Variants in BCAS3 observed in about 807,000 individuals in gnomAD.
The protein encoded by BCAS3 is BCAS3 microtubule associated cell migration factor, also known as BCAS4/BCAS3 fusion.
In BCAS3, 53 loss-of-function variants were observed where a neutral mutation model predicts 116.1. The observed-to-expected ratio is 0.46, with a 90% confidence interval of 0.37 to 0.57. The LOEUF is 0.57. Among genes scored for constraint, BCAS3 ranks in the 20% least tolerant of loss-of-function variants. The pLI is 0.00. For missense variants in BCAS3, 917 were observed against 1,165.4 expected (o/e 0.79, Z 3.10); for synonymous variants, 391 against 408.2 (o/e 0.96, Z 0.51).
chr17:60,771,338 C>T (rs1400995188), intron 6 of BCAS3, among the ~76,000 whole-genome samples: 1 of 151,844 alleles, frequency 6.6e-6, no homozygotes, highest in African/African-American at 2.4e-5. Flanking sequence ...TGGAAATTGC[C>T]GGTATGGAGA....
At position 61,186,205 on chromosome 17, in the gene BCAS3, C is replaced by T. The variant is rs991445967; in HGVS notation, c.2425+101641C>T. Reference sequence around the variant, plus strand: ...ACATTCTATAAAATCATTTTTAACCCGTATGTTAAGGTTGTCTTTGATATG... The same window carrying T: ...ACATTCTATAAAATCATTTTTAACCTGTATGTTAAGGTTGTCTTTGATATG... On this transcript the variant is annotated intron_variant, in intron 22 of 23. Coordinates refer to ENST00000407086, the MANE Select transcript of BCAS3 (RefSeq NM_017679.5). The surrounding 1 kb of genome is among the most constrained non-coding windows in gnomAD (Gnocchi z 4.9). Among the ~76,000 whole-genome samples the T allele has an allele frequency of 5.9e-5, 9 of 151,566 alleles. No individual in the cohort carries two copies. Among genetic ancestry groups the T allele is most frequent in the African/African-American group, 1.7e-4 (7 of 41,228 alleles).
chr17:60,748,319 A>G (rs572909033), intron 6 of BCAS3, among the ~76,000 whole-genome samples: 147 of 152,306 alleles, frequency 9.7e-4, no homozygotes, highest in African/African-American at 3.4e-3. Context: ...TTGCAGTCAC[A>G]TGTAGATTTT....
At chr17:60,998,322 T>G (rs2063984108) in intron 15 of BCAS3, among the ~76,000 whole-genome samples, 1 of 152,246 alleles carries the variant, frequency 6.6e-6, no homozygotes, top group African/African-American at 2.4e-5. Context: ...GTGCATGTGT[T>G]TTTTTTGTAA....
rs2080468836 is a variant in BCAS3, at chr17:61,196,207, A to G, written c.2425+111643A>G. On this transcript the variant is annotated intron_variant, in intron 22 of 23. Coordinates refer to ENST00000407086, the MANE Select transcript of BCAS3 (RefSeq NM_017679.5). The surrounding 1 kb of genome is among the most constrained non-coding windows in gnomAD (Gnocchi z 4.7). ...ACTACTAGAGAGACGTTATTCCGTA[A>G]CACAGTGAATCTCAGAATTTATTTT... is the stretch of plus-strand genomic sequence containing the variant. Among the ~76,000 whole-genome samples, 1 of 152,182 alleles carries G rather than the reference A, an allele frequency of 6.6e-6. No individual in the cohort carries two copies. Among genetic ancestry groups the G allele is most frequent in the Non-Finnish European group, 1.5e-5 (1 of 68,038 alleles).
chr17:61,061,645 T>C lies in BCAS3; in HGVS notation c.2030-13275T>C, dbSNP rs181102695. Among the ~76,000 whole-genome samples the C allele has an allele frequency of 1.2e-3, 190 of 152,366 alleles. 1 individual carries two copies. Among genetic ancestry groups the C allele is most frequent in the African/African-American group, 3.9e-3 (162 of 41,598 alleles). ...GGTTCCATATATGCTCTACTCATCCTAGTATCTTATCAAGTATATTTTAGA... is the reference window on the plus strand; with the variant it reads ...GGTTCCATATATGCTCTACTCATCCCAGTATCTTATCAAGTATATTTTAGA... On this transcript the variant is annotated intron_variant, in intron 19 of 23. Coordinates refer to ENST00000407086, the MANE Select transcript of BCAS3 (RefSeq NM_017679.5).
At chr17:60,928,521 G>A (rs1167297150) in intron 13 of BCAS3, among the ~76,000 whole-genome samples, 3 of 152,148 alleles carry the variant, frequency 2.0e-5, no homozygotes, top group Non-Finnish European at 4.4e-5. Context: ...TCAGTGGAGG[G>A]TTTATAACTC....
intron 7 of BCAS3, among the ~76,000 whole-genome samples, chr17:60,844,175 G>T (rs2052270619): frequency 6.6e-6 from 1 of 152,106 alleles, no homozygotes; most frequent in African/African-American, 2.4e-5. Flanking sequence ...TCTTCATGTT[G>T]CTCAGGCTGG....
Position 61,043,593 on chromosome 17 carries a change from T to G in BCAS3, c.2029+2701T>G, listed in dbSNP as rs184907432. On this transcript the variant is annotated intron_variant, in intron 19 of 23. Transcript: ENST00000407086. ...TCAGTGGGTACACAGGTTTTCTCCC[T>G]GATACCAAAGGTATGCATGTTAGGT... Among the ~76,000 whole-genome samples the G allele has an allele frequency of 5.9e-5, 9 of 152,112 alleles. No homozygotes were observed. In the East Asian group the frequency reaches 1.5e-3, roughly 26 times the overall value.
At chr17:60,914,127 C>T (rs974487752) in intron 12 of BCAS3, among the ~76,000 whole-genome samples, 1 of 152,276 alleles carries the variant, frequency 6.6e-6, no homozygotes, top group South Asian at 2.1e-4. Context: ...TGTATCAATT[C>T]ATGGGCTCTG....
chr17:61,212,111 T>C (rs1355260780), intron 22 of BCAS3, among the ~76,000 whole-genome samples: 2 of 152,236 alleles, frequency 1.3e-5, no homozygotes, highest in Non-Finnish European at 2.9e-5. Context: ...ATAGGAATAT[T>C]CTGGTCTTTA....
At chr17:60,888,142 T>C (rs2056863431) in intron 9 of BCAS3, among the ~76,000 whole-genome samples, 1 of 152,208 alleles carries the variant, frequency 6.6e-6, no homozygotes, top group African/African-American at 2.4e-5. Context: ...AAAGCATTCT[T>C]TTGGCAAGCA....
intron 5 of BCAS3, among the ~76,000 whole-genome samples, chr17:60,724,678 T>C (rs1383237399): frequency 2.0e-5 from 3 of 150,776 alleles, no homozygotes; most frequent in Non-Finnish European, 3.0e-5. Flanking sequence ...TGAGCCAAGA[T>C]TGCCACTGCA....
rs1287947867 is a variant in BCAS3 at position 61,256,291 on chromosome 17, TTTTA to T, written c.2426-112028_2426-112025del. ...GTTTGTTTGTTTGTTTTTCATTTAT[TTTTA>T]TTTATTTTATTTTATTTTTATTTTT... On this transcript the variant is annotated intron_variant, in intron 22 of 23. Coordinates refer to ENST00000407086, the MANE Select transcript of BCAS3 (RefSeq NM_017679.5). The surrounding 1 kb of genome is among the most constrained non-coding windows in gnomAD (Gnocchi z 5.6). Among the ~76,000 whole-genome samples the T allele has an allele frequency of 1.3e-5, 2 of 151,968 alleles. No homozygotes were observed. Among genetic ancestry groups the T allele is most frequent in the East Asian group, 3.9e-4 (2 of 5,190 alleles).
At chr17:61,071,489 G>T (rs1023432567) in intron 19 of BCAS3, among the ~76,000 whole-genome samples, 1 of 152,156 alleles carries the variant, frequency 6.6e-6, no homozygotes, top group Non-Finnish European at 1.5e-5. Flanking sequence ...AATGCAGATT[G>T]TAATTCAGTA....
rs918986585 is a variant in BCAS3, at chr17:61,285,883, TA to T, written c.2426-82441del. On this transcript the variant is annotated intron_variant, in intron 22 of 23. Coordinates refer to ENST00000407086, the MANE Select transcript of BCAS3 (RefSeq NM_017679.5). The surrounding 1 kb of genome is among the most constrained non-coding windows in gnomAD (Gnocchi z 5.4). ...GAATCAGCTTTAGTCCTCTAAATTC[TA>T]AAGCTCTACCAATTTTTTTTTAGTT... 2.6e-5 allele frequency among the ~76,000 whole-genome samples: 4 copies of T among 152,212 alleles called. No individual in the cohort carries two copies. The highest frequency in any genetic ancestry group is 5.9e-5 in the Non-Finnish European group (4 of 68,024).
At chr17:60,910,284 C>G (rs2058424220) in intron 11 of BCAS3, among the ~76,000 whole-genome samples, 1 of 152,090 alleles carries the variant, frequency 6.6e-6, no homozygotes, top group African/African-American at 2.4e-5. Flanking sequence ...ATTTTTTTAA[C>G]TATGGCTTTA....
intron 7 of BCAS3, among the ~76,000 whole-genome samples, chr17:60,849,378 A>G (rs1280924245): frequency 1.3e-5 from 2 of 151,430 alleles, no homozygotes; most frequent in East Asian, 3.9e-4. Context: ...AGTTTTCTGC[A>G]TGAACTAGTC....
At chr17:60,724,855 A>AT (rs1366149738) in intron 5 of BCAS3, among the ~76,000 whole-genome samples, 1 of 144,706 alleles carries the variant, frequency 6.9e-6, no homozygotes, top group Non-Finnish European at 1.5e-5. Context: ...TTTTTGTTTC[A>AT]TTTCCTTTTT....
chr17:61,359,065 C>A (rs2058310317), intron 22 of BCAS3, among the ~76,000 whole-genome samples: 1 of 152,094 alleles, frequency 6.6e-6, no homozygotes, highest in African/African-American at 2.4e-5. Context: ...GCTTTCACTC[C>A]CCACCAAAGG....
Sources: gnomAD v4.1 joint callset for allele counts (sites outside exome capture counted in the v4.1 genomes callset) on GRCh38, gnomAD v4.1.1 for gene constraint, Gnocchi (gnomAD v3.1) non-coding constraint, MANE v1.5 for transcripts, NCBI Gene and HGNC (gene_info 2026-07-23, HGNC 2026-07-21) for gene names.